Variants in EPHA6 observed in about 807,000 individuals in gnomAD.
EPHA6 encodes the protein ephrin type-A receptor 6.
In EPHA6, 50 loss-of-function variants were observed where a neutral mutation model predicts 112.0. The observed-to-expected ratio is 0.45, with a 90% confidence interval of 0.36 to 0.56. EPHA6 has a LOEUF of 0.56. Among genes scored for constraint, EPHA6 ranks in the 20% least tolerant of loss-of-function variants. The pLI, the probability that EPHA6 is intolerant of heterozygous loss-of-function variation, is 0.00. For synonymous variants in EPHA6, 529 were observed against 490.7 expected, an observed-to-expected ratio of 1.08 and a Z score of -1.03; for missense variants, 1,280 against 1,417.4, an observed-to-expected ratio of 0.90 and a Z score of 1.56.
chr3:97,183,718 C>T (rs1159944042), intron 3 of EPHA6, among the ~76,000 whole-genome samples: 1 of 151,892 alleles, frequency 6.6e-6, no homozygotes, highest in African/African-American at 2.4e-5. Context: ...GGTGTGCACA[C>T]TCATAGATGT....
chr3:96,833,321 A>G (rs2034202668), intron 1 of EPHA6, among the ~76,000 whole-genome samples: 1 of 151,634 alleles, frequency 6.6e-6, no homozygotes, highest in Non-Finnish European at 1.5e-5. Flanking sequence ...ACAAATTGCC[A>G]GAAAGCCACA....
chr3:96,905,345 C>T (rs1195765995), intron 2 of EPHA6, among the ~76,000 whole-genome samples: 1 of 151,632 alleles, frequency 6.6e-6, no homozygotes, highest in African/African-American at 2.4e-5. Context: ...TAAAATGTTA[C>T]CTTTTTCTTT....
rs183074791 is a variant in EPHA6 at position 97,554,955 on chromosome 3, G to A, written c.2386+22412G>A. Among the ~76,000 whole-genome samples the A allele has an allele frequency of 4.7e-3, 713 of 151,474 alleles. 6 individuals are homozygous for A. The highest frequency in any genetic ancestry group is 0.016 in the African/African-American group (660 of 41,276). ...TTTTTTAATTATTATTATACCTTAA[G>A]TTTTAGGTTACATGTGTACAATGTG... On this transcript the variant is annotated intron_variant, in intron 11 of 17. Transcript: ENST00000389672.
intron 3 of EPHA6, among the ~76,000 whole-genome samples, chr3:97,109,390 C>T (rs2047655507): frequency 2.0e-5 from 3 of 152,124 alleles, no homozygotes; most frequent in African/African-American, 7.2e-5. Flanking sequence ...ACAACTGTCT[C>T]TCATGGGCCT....
At chr3:97,512,666 C>G (rs138434384) in intron 10 of EPHA6, among the ~76,000 whole-genome samples, 1 of 152,082 alleles carries the variant, frequency 6.6e-6, no homozygotes, top group Non-Finnish European at 1.5e-5. Context: ...CGGGTTCAAG[C>G]GAGTCTCCTG....
chr3:97,473,328 A>G (rs1046789875), intron 7 of EPHA6, among the ~76,000 whole-genome samples: 1 of 149,858 alleles, frequency 6.7e-6, no homozygotes, highest in Admixed American at 7.1e-5. Context: ...ATTGTTATCC[A>G]ATTAAAATTT....
chr3:97,446,686 C>T (rs1303139350), intron 6 of EPHA6, among the ~76,000 whole-genome samples: 2 of 152,134 alleles, frequency 1.3e-5, no homozygotes, highest in Non-Finnish European at 2.9e-5. Flanking sequence ...ACATATCCTC[C>T]TCTTGTATAT....
In EPHA6 at chr3:97,314,057, A is replaced by G. The variant is rs144755973; in HGVS notation, c.1606+69770A>G. Reference sequence around the variant, plus strand: ...TATCCAGTTTGAGTTGAGTTTTTATATAATGTTAGTAAGGGTTCAGTTTCA... The same window carrying G: ...TATCCAGTTTGAGTTGAGTTTTTATGTAATGTTAGTAAGGGTTCAGTTTCA... On this transcript the variant is annotated intron_variant, in intron 5 of 17. Transcript: ENST00000389672. Among the ~76,000 whole-genome samples, 522 of 151,660 alleles carry G rather than the reference A, an allele frequency of 3.4e-3. 6 individuals are homozygous for G. The highest frequency in any genetic ancestry group is 0.017 in the Middle Eastern group (5 of 294).
chr3:97,216,250 A>G (rs1229755389), intron 3 of EPHA6, among the ~76,000 whole-genome samples: 1 of 152,144 alleles, frequency 6.6e-6, no homozygotes, highest in Non-Finnish European at 1.5e-5. Flanking sequence ...AGCAGGAGCA[A>G]GGGGTGGGGA....
intron 11 of EPHA6, among the ~76,000 whole-genome samples, chr3:97,534,282 G>A (rs970315277): frequency 4.6e-5 from 7 of 152,000 alleles, no homozygotes; most frequent in South Asian, 2.1e-4. Flanking sequence ...CACTTTATAC[G>A]TATACGTTAC....
chr3:97,042,615 C>T (rs568489748), intron 3 of EPHA6, among the ~76,000 whole-genome samples: 1 of 152,098 alleles, frequency 6.6e-6, no homozygotes, highest in Non-Finnish European at 1.5e-5. Context: ...TCTTAGGACT[C>T]AATGCTCGGT....
intron 6 of EPHA6, among the ~76,000 whole-genome samples, chr3:97,446,194 T>C (rs1490284156): frequency 1.3e-5 from 2 of 152,168 alleles, no homozygotes; most frequent in Admixed American, 6.6e-5. Flanking sequence ...TGCTGTGTAC[T>C]GTGAAGAATT....
intron 14 of EPHA6, among the ~76,000 whole-genome samples, chr3:97,717,300 A>G (rs2034289774): frequency 6.6e-6 from 1 of 151,968 alleles, no homozygotes; most frequent in African/African-American, 2.4e-5. Flanking sequence ...TCCATTTTGT[A>G]ATGTTGTTCA....
chr3:97,082,033 TTTAA>T (rs1327455605), intron 3 of EPHA6, among the ~76,000 whole-genome samples: 3 of 151,716 alleles, frequency 2.0e-5, no homozygotes, highest in Middle Eastern at 3.2e-3. Context: ...GTCTTTGTTT[TTTAA>T]TTAATTTTTG....
At chr3:97,374,278 C>A (rs2085222509) in intron 5 of EPHA6, among the ~76,000 whole-genome samples, 1 of 152,082 alleles carries the variant, frequency 6.6e-6, no homozygotes, top group Non-Finnish European at 1.5e-5. Flanking sequence ...CTCTCCTACC[C>A]TTTTGCTTCT....
At chr3:97,377,915 G>C (rs1693108571) in intron 5 of EPHA6, among the ~76,000 whole-genome samples, 1 of 152,160 alleles carries the variant, frequency 6.6e-6, no homozygotes, top group African/African-American at 2.4e-5. Context: ...TTTGCAGACT[G>C]ACAATGTGAT....
Position 97,751,416 on chromosome 3 carries a change from T to G in EPHA6, c.*2715T>G, listed in dbSNP as rs1391444735. ...ATTCCTTTTAAATTATAATTTTATT[T>G]TTCAGAATGGTAAGCATGATAATCT... On this transcript the variant is annotated 3_prime_UTR_variant, in exon 18 of 18. Transcript: ENST00000389672. Among the ~76,000 whole-genome samples, 4 of 152,146 alleles carry G rather than the reference T, an allele frequency of 2.6e-5. No individual in the cohort carries two copies. Among genetic ancestry groups the G allele is most frequent in the African/African-American group, 9.6e-5 (4 of 41,456 alleles).
intron 1 of EPHA6, among the ~76,000 whole-genome samples, chr3:96,831,257 CTG>C (rs1426156129): frequency 2.0e-5 from 3 of 152,000 alleles, no homozygotes; most frequent in Non-Finnish European, 2.9e-5. Flanking sequence ...TATGTTTAAA[CTG>C]TGTGCTAAAC....
At chr3:97,660,245 C>T (rs571686588) in intron 14 of EPHA6, among the ~76,000 whole-genome samples, 89 of 152,026 alleles carry the variant, frequency 5.9e-4, no homozygotes, top group Non-Finnish European at 1.1e-3. Flanking sequence ...TTCATTTTCA[C>T]TAGCTATCTA....
Sources: allele counts gnomAD v4.1 joint callset (sites outside exome capture counted in the v4.1 genomes callset), GRCh38; gene constraint gnomAD v4.1.1; transcripts MANE v1.5; gene names NCBI Gene and HGNC (gene_info 2026-07-23, HGNC 2026-07-21).